SRPK2: variants seen among roughly 807,000 people sequenced by gnomAD.
SRPK2 encodes the protein SFRS protein kinase 2.
SRPK2 carries 21 observed loss-of-function variants against 90.8 expected under a neutral mutation model. The ratio of observed to expected loss-of-function variants is 0.23; its 90% CI spans 0.16 to 0.33. The LOEUF (loss-of-function observed/expected upper bound fraction) is 0.33. Ranked by LOEUF, SRPK2 falls within the 10% of genes least tolerant of loss-of-function variation. The probability of loss-of-function intolerance (pLI) is 1.00; values close to 1 mark genes in which losing one functional copy is unlikely to be tolerated. For synonymous variants in SRPK2, 288 were observed against 311.1 expected, an observed-to-expected ratio of 0.93 and a Z score of 0.78; for missense variants, 620 against 869.0, an observed-to-expected ratio of 0.71 and a Z score of 3.60.
chr7:105,306,846 GC>G (rs1811202784), intron 2 of SRPK2, among the ~76,000 whole-genome samples: 1 of 152,142 alleles, frequency 6.6e-6, no homozygotes, highest in Non-Finnish European at 1.5e-5. Flanking sequence ...AGGAGACATG[GC>G]TAAATATGGG....
chr7:105,137,087 A>G (rs1802943786), intron 11 of SRPK2, among the ~76,000 whole-genome samples: 1 of 152,240 alleles, frequency 6.6e-6, no homozygotes, highest in Admixed American at 6.5e-5. Flanking sequence ...GGTGACATTC[A>G]GGAGAGGTCT....
chr7:105,205,107 T>C (rs1796030124), intron 2 of SRPK2, among the ~76,000 whole-genome samples: 1 of 152,114 alleles, frequency 6.6e-6, no homozygotes, highest in Admixed American at 6.6e-5. Flanking sequence ...CCACTGCCTC[T>C]TCTAAACTGG....
In SRPK2 at chr7:105,353,503, TTTGTTGTTGTTG is replaced by T. The variant is rs34789062; in HGVS notation, c.71+35133_71+35144del. On this transcript the variant is annotated intron_variant, in intron 2 of 15. Coordinates refer to ENST00000393651, the MANE Select transcript of SRPK2 (RefSeq NM_182692.3). ...TACAGGAGCGTGCCATCCAGCCCAG[TTTGTTGTTGTTG>T]TTGTTGTTGTTGTTGTTGTTGTTGT... is the stretch of plus-strand genomic sequence containing the variant. 9.6e-3 allele frequency among the ~76,000 whole-genome samples: 1,402 copies of T among 146,188 alleles called. 10 individuals carry two copies. Among genetic ancestry groups the T allele is most frequent in the Non-Finnish European group, 0.015 (1,005 of 66,486 alleles).
chr7:105,117,860 C>T lies in SRPK2; in HGVS notation c.2078G>A (p.Arg693Gln), dbSNP rs376014792. 8.7e-6 allele frequency: 14 copies of T among 1,612,696 alleles called. No individual in the cohort carries two copies. The highest frequency in any genetic ancestry group is 2.0e-4 in the Middle Eastern group (1 of 4,948). The change falls in exon 16 of 16, where the codon CGG (arginine) becomes CAG (glutamine). Residue 693 changes from arginine to glutamine, a missense_variant. By Grantham distance (43) the Arg-to-Gln change is conservative (BLOSUM62 1). Coordinates refer to ENST00000393651, the MANE Select transcript of SRPK2 (RefSeq NM_182692.3). ...EKRASAGECL[R>Q]HPWLNS ...TTGCTAAGAATTCAACCAAGGATGC[C>T]GAAGGCATTCGCCAGCTGAGGCTCG...
intron 2 of SRPK2, among the ~76,000 whole-genome samples, chr7:105,247,784 C>T (rs770110429): frequency 4.0e-5 from 6 of 151,736 alleles, no homozygotes; most frequent in Admixed American, 3.9e-4. Context: ...TGGTTTTGAA[C>T]TCCTGGGCTT....
chr7:105,263,965 T>C (rs955490787), intron 2 of SRPK2, among the ~76,000 whole-genome samples: 4 of 152,140 alleles, frequency 2.6e-5, no homozygotes, highest in African/African-American at 9.7e-5. Flanking sequence ...AAGCCAACAG[T>C]GGCAGAGCAG....
chr7:105,331,326 A>AAAAAAC (rs1814342498), intron 2 of SRPK2, among the ~76,000 whole-genome samples: 1 of 144,438 alleles, frequency 6.9e-6, no homozygotes, highest in Admixed American at 7.1e-5. Context: ...AAAAAAAAAA[A>AAAAAAC]AAAAAAAAAA....
At chr7:105,145,092 G>A (rs1364839759) in intron 9 of SRPK2, among the ~76,000 whole-genome samples, 191 bp downstream of exon 9, 2 of 124,392 alleles carry the variant, frequency 1.6e-5, no homozygotes, top group Non-Finnish European at 3.3e-5. Context: ...GAGCAACAGA[G>A]TGAAACTCAG....
chr7:105,160,469 A>T, intron 7 of SRPK2, 38 bp downstream of exon 7: 2 of 1,210,460 alleles, frequency 1.7e-6, no homozygotes, highest in Non-Finnish European at 2.4e-6. Flanking sequence ...CTAACCAATT[A>T]GGTACTAGGG....
intron 2 of SRPK2, among the ~76,000 whole-genome samples, chr7:105,300,604 C>T (rs938735505): frequency 3.3e-5 from 5 of 152,068 alleles, no homozygotes; most frequent in African/African-American, 4.8e-5. Flanking sequence ...AAAATTTTTG[C>T]AATCTACCCA....
intron 11 of SRPK2, among the ~76,000 whole-genome samples, chr7:105,136,530 G>C (rs899147851): frequency 2.6e-5 from 4 of 152,158 alleles, no homozygotes; most frequent in African/African-American, 9.7e-5. Flanking sequence ...CTTTCACTTC[G>C]GGAAGAACTG....
At chr7:105,393,060 C>T (rs1176964876), upstream of SRPK2, among the ~76,000 whole-genome samples, 1 of 151,932 alleles carries the variant, frequency 6.6e-6, no homozygotes, top group Non-Finnish European at 1.5e-5. Flanking sequence ...GTGGCGCGAT[C>T]TTGGCCTAAC....
At chr7:105,125,719 T>TGCA (rs1801098190) in intron 15 of SRPK2, 1 of 698,814 alleles carries the variant, frequency 1.4e-6, no homozygotes. Flanking sequence ...CAATCACGAA[T>TGCA]GCACAATTTC....
At chr7:105,187,650 A>G (rs1793760917) in intron 3 of SRPK2, among the ~76,000 whole-genome samples, 1 of 152,178 alleles carries the variant, frequency 6.6e-6, no homozygotes, top group Admixed American at 6.5e-5. Context: ...CCTTGGAAAG[A>G]CCACCACCAT....
chr7:105,347,058 C>T (rs1366624564), intron 2 of SRPK2, among the ~76,000 whole-genome samples: 2 of 149,434 alleles, frequency 1.3e-5, no homozygotes, highest in East Asian at 1.9e-4. Context: ...ATGAGATAGA[C>T]TGGCTTTTTT....
intron 2 of SRPK2, among the ~76,000 whole-genome samples, chr7:105,220,524 C>CA (rs1190264349): frequency 1.3e-5 from 2 of 150,224 alleles, no homozygotes. Context: ...GACTCCATCT[C>CA]AAAAAAGAAA....
intron 6 of SRPK2, among the ~76,000 whole-genome samples, chr7:105,164,000 G>C (rs559889913): frequency 2.6e-5 from 4 of 152,178 alleles, no homozygotes; most frequent in East Asian, 1.9e-4. Context: ...AGCTTTCAAC[G>C]GAAATTTTAA....
At chr7:105,145,841 G>A (rs1804538505) in intron 8 of SRPK2, among the ~76,000 whole-genome samples, 1 of 152,140 alleles carries the variant, frequency 6.6e-6, no homozygotes, top group African/African-American at 2.4e-5. Context: ...ACAACACCCT[G>A]ATGGCAGTAA....
intron 2 of SRPK2, among the ~76,000 whole-genome samples, chr7:105,327,239 A>G (rs537838515): frequency 2.6e-4 from 39 of 152,326 alleles, no homozygotes; most frequent in African/African-American, 8.9e-4. Context: ...GAAAAAATCA[A>G]TGGAATATTT....
Sources: allele counts gnomAD v4.1 joint callset (sites outside exome capture counted in the v4.1 genomes callset), GRCh38; gene constraint gnomAD v4.1.1; transcripts MANE v1.5; gene names NCBI Gene and HGNC (gene_info 2026-07-23, HGNC 2026-07-21).